The following DSCAM variants were observed in gnomAD, a reference collection of about 807,000 sequenced individuals.
DSCAM encodes cell adhesion molecule DSCAM.
In DSCAM, 47 loss-of-function variants were observed where a neutral mutation model predicts 217.7. The observed-to-expected ratio is 0.22, with a 90% CI of 0.17 to 0.28. DSCAM has a LOEUF of 0.28. Among genes scored for constraint, DSCAM ranks in the 10% least tolerant of loss-of-function variants. The pLI, the probability that DSCAM is intolerant of heterozygous loss-of-function variation, is 1.00. For synonymous variants in DSCAM, 1,056 were observed against 1,015.3 expected (o/e 1.04, Z -0.76); for missense variants, 2,080 against 2,618.3 (o/e 0.79, Z 4.49).
At chr21:40,568,871 TAC>T (rs994833037) in intron 3 of DSCAM, among the ~76,000 whole-genome samples, 3 of 152,174 alleles carry the variant, frequency 2.0e-5, no homozygotes, top group Non-Finnish European at 4.4e-5. Context: ...TCCTTTCTGT[TAC>T]CACGAGGGCT....
chr21:40,327,419 G>A (rs2074329605), intron 8 of DSCAM, among the ~76,000 whole-genome samples: 1 of 152,056 alleles, frequency 6.6e-6, no homozygotes, highest in African/African-American at 2.4e-5. Context: ...TTACTGAATT[G>A]GTTTATTACT....
At chr21:40,776,731 C>T (rs1473257045) in intron 1 of DSCAM, among the ~76,000 whole-genome samples, 1 of 152,104 alleles carries the variant, frequency 6.6e-6, no homozygotes, top group Non-Finnish European at 1.5e-5. Flanking sequence ...ACGTAAGGAT[C>T]CTGGTCTTTG....
At chr21:40,701,399 C>G (rs904221495) in intron 2 of DSCAM, among the ~76,000 whole-genome samples, 2 of 152,028 alleles carry the variant, frequency 1.3e-5, no homozygotes, top group African/African-American at 4.8e-5. Context: ...TAGATTTCCT[C>G]TATTGTTTCT....
At chr21:40,098,029 T>C (rs560025666) in intron 20 of DSCAM, among the ~76,000 whole-genome samples, 13 of 129,472 alleles carry the variant, frequency 1.0e-4, no homozygotes, top group African/African-American at 3.1e-4. Context: ...GTACTTGAAA[T>C]ATAAAAACAC....
At chr21:40,432,408 C>T (rs1328866513) in intron 3 of DSCAM, among the ~76,000 whole-genome samples, 3 of 151,994 alleles carry the variant, frequency 2.0e-5, no homozygotes. Flanking sequence ...CTCACACCAC[C>T]ACCTCCCACT....
chr21:40,428,876 T>A (rs1048279976), intron 3 of DSCAM, among the ~76,000 whole-genome samples: 1 of 152,110 alleles, frequency 6.6e-6, no homozygotes, highest in Non-Finnish European at 1.5e-5. Flanking sequence ...GTGACTCCTT[T>A]CATTTAGGAA....
At chr21:40,014,119 T>C (rs999892339) in intron 32 of DSCAM, among the ~76,000 whole-genome samples, 1 of 152,178 alleles carries the variant, frequency 6.6e-6, no homozygotes, top group African/African-American at 2.4e-5. Flanking sequence ...CTGGGCACGG[T>C]GTGCCTCATG....
At chr21:40,493,687 C>G (rs1381511155) in intron 3 of DSCAM, among the ~76,000 whole-genome samples, 2 of 151,400 alleles carry the variant, frequency 1.3e-5, no homozygotes, top group African/African-American at 2.4e-5. Context: ...CATGGTGAAA[C>G]CCTGTTTCTA....
chr21:40,585,815 T>C (rs185008008), intron 3 of DSCAM, among the ~76,000 whole-genome samples: 1 of 151,900 alleles, frequency 6.6e-6, no homozygotes, highest in Admixed American at 6.5e-5. Flanking sequence ...CCCCTGAGAG[T>C]TGGTTGTTAA....
At chr21:40,775,523 A>C (rs957859419) in intron 1 of DSCAM, among the ~76,000 whole-genome samples, 2 of 152,164 alleles carry the variant, frequency 1.3e-5, no homozygotes, top group Admixed American at 1.3e-4. Context: ...ACAAATACAG[A>C]AGGCAAATTG....
At position 40,746,326 on chromosome 21, in the gene DSCAM, C is replaced by T. The variant is rs370725339; in HGVS notation, c.44-37555G>A. 7.4e-5 allele frequency among the ~76,000 whole-genome samples: 11 copies of T among 148,398 alleles called. No homozygotes were observed. The South Asian group carries it at 1.3e-3, about 17-fold the overall frequency. On this transcript the variant is annotated intron_variant, in intron 1 of 32. Transcript: ENST00000400454. ...ACAAGAGATCTTTCACCTATAAAAACATGCACAGACTAAAGAGATGGAAAA... is the reference window on the plus strand; with the variant it reads ...ACAAGAGATCTTTCACCTATAAAAATATGCACAGACTAAAGAGATGGAAAA...
chr21:40,670,441 G>A (rs1455445324), intron 3 of DSCAM, among the ~76,000 whole-genome samples: 1 of 152,058 alleles, frequency 6.6e-6, no homozygotes, highest in South Asian at 2.1e-4. Flanking sequence ...AGGAGGCTGA[G>A]GCAGGGGAAT....
rs201457318 is a variant in DSCAM at position 40,052,082 on chromosome 21, C to G, written c.5061G>C (p.Thr1687=). 348 of 1,614,050 alleles carry G rather than the reference C, an allele frequency of 2.2e-4. 1 individual carries two copies. In the South Asian group the frequency reaches 3.0e-3, roughly 14 times the overall value. Residue 1687 remains threonine, a synonymous_variant, in exon 30 of 33, where the codon ACG becomes ACC. Coordinates refer to ENST00000400454, the MANE Select transcript of DSCAM (RefSeq NM_001389.5). ...TIDDRSTVLL[T]DADFGEAAKQ... is the part of the protein sequence containing the mutation. ...TAGCTGCCTCTCCAAAGTCAGCATC[C>G]GTCAACAGAACCGTGGAGCGATCAT...
At chr21:40,072,368 A>G (rs962836857) in intron 27 of DSCAM, among the ~76,000 whole-genome samples, 1 of 143,650 alleles carries the variant, frequency 7.0e-6, no homozygotes, top group Non-Finnish European at 1.5e-5. Flanking sequence ...TTTTTTTGAG[A>G]CAGAGTCTCG....
chr21:40,461,847 C>T (rs1369216572), intron 3 of DSCAM, among the ~76,000 whole-genome samples: 1 of 152,182 alleles, frequency 6.6e-6, no homozygotes, highest in African/African-American at 2.4e-5. Flanking sequence ...TCAAGAGCTG[C>T]AAGTTGTCTC....
At chr21:40,080,945 T>C (rs2089446783) in intron 24 of DSCAM, among the ~76,000 whole-genome samples, 1 of 152,172 alleles carries the variant, frequency 6.6e-6, no homozygotes, top group Admixed American at 6.5e-5. Flanking sequence ...TTACAACTAG[T>C]AAGGATGACT....
At chr21:40,272,346 C>T (rs528923286) in intron 11 of DSCAM, among the ~76,000 whole-genome samples, 1 of 152,014 alleles carries the variant, frequency 6.6e-6, no homozygotes, top group East Asian at 1.9e-4. Flanking sequence ...CAGACAGGAA[C>T]CCCAACAGAG....
At chr21:40,609,289 T>C (rs376991207) in intron 3 of DSCAM, among the ~76,000 whole-genome samples, 13 of 152,342 alleles carry the variant, frequency 8.5e-5, no homozygotes, top group African/African-American at 3.1e-4. Context: ...TTTGCCGTTG[T>C]TGTTTCCCCA....
chr21:40,166,093 C>T (rs902159900), intron 16 of DSCAM, among the ~76,000 whole-genome samples: 12 of 152,116 alleles, frequency 7.9e-5, no homozygotes, highest in East Asian at 1.9e-4. Context: ...AGGTGGTATC[C>T]GCCCCAACAA....
Sources: allele counts gnomAD v4.1 joint callset (sites outside exome capture counted in the v4.1 genomes callset), GRCh38; gene constraint gnomAD v4.1.1; transcripts MANE v1.5; gene names NCBI Gene and HGNC (gene_info 2026-07-23, HGNC 2026-07-21).